The following AJAP1 variants were observed in gnomAD, a reference collection of about 807,000 sequenced individuals.
The protein encoded by AJAP1 is adherens junction-associated protein 1.
Under a neutral mutation model 35.0 loss-of-function variants are expected in AJAP1, and 5 were observed. The observed-to-expected ratio is 0.14, with a 90% CI of 0.07 to 0.30. The LOEUF (loss-of-function observed/expected upper bound fraction) is 0.30. Ranked by LOEUF, AJAP1 falls within the 10% of genes least tolerant of loss-of-function variation. The pLI, the probability that AJAP1 is intolerant of heterozygous loss-of-function variation, is 1.00. For missense variants in AJAP1, 586 were observed against 571.0 expected, an observed-to-expected ratio of 1.03 and a Z score of -0.27; for synonymous variants, 284 against 249.3, an observed-to-expected ratio of 1.14 and a Z score of -1.31.
chr1:4,686,432 C>T (rs576354176), intron 1 of AJAP1, among the ~76,000 whole-genome samples: 18 of 152,114 alleles, frequency 1.2e-4, no homozygotes, highest in Admixed American at 2.0e-4. Flanking sequence ...TCCCTGAGTG[C>T]GTGGGTAAGT....
chr1:4,728,558 C>T (rs758950762), intron 2 of AJAP1, among the ~76,000 whole-genome samples: 12 of 152,182 alleles, frequency 7.9e-5, no homozygotes, highest in Non-Finnish European at 1.6e-4. Context: ...TTGCTGTCGC[C>T]GTGGGGGCCT....
At chr1:4,694,139 C>A (rs985434822) in intron 1 of AJAP1, among the ~76,000 whole-genome samples, 1 of 152,030 alleles carries the variant, frequency 6.6e-6, no homozygotes, top group South Asian at 2.1e-4. Flanking sequence ...GTGAGCCTCC[C>A]GTAGTCCATT....
chr1:4,689,431 C>A (rs1476632420), intron 1 of AJAP1, among the ~76,000 whole-genome samples: 1 of 152,164 alleles, frequency 6.6e-6, no homozygotes, highest in Non-Finnish European at 1.5e-5. Flanking sequence ...AACGCAAGGC[C>A]CAGGAAGGCG....
intron 1 of AJAP1, among the ~76,000 whole-genome samples, chr1:4,700,721 A>T (rs1639969049): frequency 6.6e-6 from 1 of 152,146 alleles, no homozygotes; most frequent in Admixed American, 6.5e-5. Flanking sequence ...GAAGCACAGG[A>T]GGTGGCCTGG....
rs1449992615 is a variant in AJAP1, at chr1:4,791,789, A to G, written c.*9304A>G. On this transcript the variant is annotated 3_prime_UTR_variant, in exon 6 of 6. Coordinates refer to ENST00000378191, the MANE Select transcript of AJAP1 (RefSeq NM_018836.4). Reference sequence around the variant, plus strand: ...TCTAAGAGTCACAGATCTGAGAAATAGAAGGACCAGGTCCGTGTGGATGCT... The same window carrying G: ...TCTAAGAGTCACAGATCTGAGAAATGGAAGGACCAGGTCCGTGTGGATGCT... 1 of 152,232 alleles carries G rather than the reference A, an allele frequency of 6.6e-6. No individual in the cohort carries two copies. The highest frequency in any genetic ancestry group is 1.5e-5 in the Non-Finnish European group (1 of 68,042). The allele number at this position is 152,232 out of a possible 1,614,324, so 9.4% of individuals were successfully genotyped here. A position where few individuals can be genotyped will look rare whatever the true frequency, so the allele number is the denominator to read the frequency against.
Position 4,666,337 on chromosome 1 carries a change from G to A in AJAP1, c.29+10883G>A, listed in dbSNP as rs533967027. On this transcript the variant is annotated intron_variant, in intron 1 of 5. Transcript: ENST00000378191. ...AGCTGGAGAGGAAGGTGTATGTTGC[G>A]GGGGGAATGCTTGGAGGAGACTGGA... 7.2e-5 allele frequency among the ~76,000 whole-genome samples: 11 copies of A among 152,272 alleles called. 1 individual carries two copies. In the South Asian group the frequency reaches 1.7e-3, roughly 23 times the overall value.
At chr1:4,701,339 G>T (rs1440511422) in intron 1 of AJAP1, among the ~76,000 whole-genome samples, 2 of 152,224 alleles carry the variant, frequency 1.3e-5, no homozygotes, top group African/African-American at 4.8e-5. Context: ...TGGTTACACG[G>T]GTTAGTTTTG....
At chr1:4,740,237 TCTG>T (rs1272135974) in intron 2 of AJAP1, among the ~76,000 whole-genome samples, 1 of 150,826 alleles carries the variant, frequency 6.6e-6, no homozygotes, top group Non-Finnish European at 1.5e-5. Flanking sequence ...TTGAGGACAT[TCTG>T]CTAAGCGAAA....
At position 4,791,087 on chromosome 1, in the gene AJAP1, G is replaced by T. The variant is rs902889221; in HGVS notation, c.*8602G>T. ...GCTAAAATGATTTAAATGGAAAGGA[G>T]AATGACAGCAAAGCCTCACGTGAAC... On this transcript the variant is annotated 3_prime_UTR_variant, in exon 6 of 6. Transcript: ENST00000378191. 12 of 152,146 alleles carry T rather than the reference G, an allele frequency of 7.9e-5. No individual in the cohort carries two copies. Among genetic ancestry groups the T allele is most frequent in the African/African-American group, 2.2e-4 (9 of 41,414 alleles). The allele number at this position is 152,146 out of a possible 1,614,324, so 9.4% of individuals were successfully genotyped here.
intron 2 of AJAP1, among the ~76,000 whole-genome samples, chr1:4,715,503 G>A (rs1462242326): frequency 2.0e-5 from 3 of 152,174 alleles, no homozygotes; most frequent in African/African-American, 7.2e-5. Flanking sequence ...GACCAACATG[G>A]AGAAACCCTG....
intron 1 of AJAP1, among the ~76,000 whole-genome samples, chr1:4,676,185 G>A (rs992585811): frequency 2.0e-5 from 3 of 152,092 alleles, no homozygotes; most frequent in Non-Finnish European, 2.9e-5. Context: ...TTGCCTCCTC[G>A]TGTCATTTTT....
At chr1:4,707,687 G>T (rs1451640158) in intron 1 of AJAP1, among the ~76,000 whole-genome samples, 2 of 152,132 alleles carry the variant, frequency 1.3e-5, no homozygotes, top group East Asian at 3.9e-4. Context: ...AGCTGAGTCA[G>T]CTTTGACTGT....
rs576337009 is a variant in AJAP1, at chr1:4,758,946, T to C, written c.830-10907T>C. Among the ~76,000 whole-genome samples, 5 of 152,326 alleles carry C rather than the reference T, an allele frequency of 3.3e-5. No individual in the cohort carries two copies. The South Asian group carries it at 8.3e-4, about 25-fold the overall frequency. On this transcript the variant is annotated intron_variant, in intron 2 of 5. Coordinates refer to ENST00000378191, the MANE Select transcript of AJAP1 (RefSeq NM_018836.4). ...TGGATGCTGGGTTACAGGCTTTCTG[T>C]GCACTCTGCAAACTCCAGAGTACTT...
chr1:4,727,190 G>A (rs1367390385), intron 2 of AJAP1, among the ~76,000 whole-genome samples: 2 of 152,202 alleles, frequency 1.3e-5, no homozygotes, highest in Admixed American at 6.5e-5. Flanking sequence ...AGCAGGAGAC[G>A]AACGCTGCAT....
Position 4,787,556 on chromosome 1 carries a change from TCTC to T in AJAP1, c.*5073_*5075del, listed in dbSNP as rs1469264913. The T allele has an allele frequency of 7.4e-6, 3 of 402,996 alleles. No homozygotes were observed. Among genetic ancestry groups the T allele is most frequent in the South Asian group, 5.4e-5 (3 of 55,460 alleles). The allele number at this position is 402,996 out of a possible 1,614,324, so 25.0% of individuals were successfully genotyped here. A position where few individuals can be genotyped will look rare whatever the true frequency, so the allele number is the denominator to read the frequency against. On this transcript the variant is annotated 3_prime_UTR_variant, in exon 6 of 6. Transcript: ENST00000378191. Reference sequence around the variant, plus strand: ...CATCGCAGTTGTTACGACGCCTGGTTCTCCACCAAATTCCTCTGTCATTCCAGC... The same window carrying T: ...CATCGCAGTTGTTACGACGCCTGGTTCACCAAATTCCTCTGTCATTCCAGC...
intron 1 of AJAP1, among the ~76,000 whole-genome samples, chr1:4,676,461 C>T (rs1024061130): frequency 6.6e-6 from 1 of 152,126 alleles, no homozygotes; most frequent in African/African-American, 2.4e-5. Context: ...TAGCTCTCGT[C>T]GTCCTGGGGG....
chr1:4,745,187 A>G (rs1017949302), intron 2 of AJAP1, among the ~76,000 whole-genome samples: 8 of 152,256 alleles, frequency 5.3e-5, no homozygotes, highest in African/African-American at 1.9e-4. Context: ...AATGGACGTC[A>G]GAGACACCCT....
Position 4,783,099 on chromosome 1 carries a change from A to T in AJAP1, c.*614A>T, listed in dbSNP as rs566196237. The T allele has an allele frequency of 3.5e-3, 1,209 of 343,438 alleles. 5 individuals carry two copies. Among genetic ancestry groups the T allele is most frequent in the Middle Eastern group, 8.5e-3 (11 of 1,300 alleles). The allele number at this position is 343,438 out of a possible 1,614,324, so 21.3% of individuals were successfully genotyped here. On this transcript the variant is annotated 3_prime_UTR_variant, in exon 6 of 6. Transcript: ENST00000378191. ...TTGAAGATCTTAAATGTTCCTTTTT[A>T]AAAAAAAGAATTGTGTTATAGGTTA... is the stretch of plus-strand genomic sequence containing the variant.
intron 2 of AJAP1, among the ~76,000 whole-genome samples, chr1:4,754,810 G>A (rs1162079891): frequency 2.0e-5 from 3 of 152,160 alleles, no homozygotes; most frequent in East Asian, 1.9e-4. Context: ...CCAAGCGAGC[G>A]AGCCTCCCTT....
Sources: gnomAD v4.1 joint callset for allele counts (sites outside exome capture counted in the v4.1 genomes callset) on GRCh38, gnomAD v4.1.1 for gene constraint, MANE v1.5 for transcripts, NCBI Gene and HGNC (gene_info 2026-07-23, HGNC 2026-07-21) for gene names.